ERBB4: variants seen among roughly 807,000 people sequenced by gnomAD.
The protein encoded by ERBB4 is erb-b2 receptor tyrosine kinase 4, also known as receptor tyrosine-protein kinase erbB-4.
A neutral mutation model predicts 158.0 loss-of-function variants in ERBB4; 42 were observed. The ratio of observed to expected loss-of-function variants is 0.27; its 90% CI spans 0.21 to 0.34. The LOEUF is 0.34. ERBB4 is among the 10% of genes least tolerant of loss of function. ERBB4 has a pLI of 1.00. For synonymous variants in ERBB4, 583 were observed against 558.7 expected, an observed-to-expected ratio of 1.04 and a Z score of -0.61; for missense variants, 1,333 against 1,624.1, an observed-to-expected ratio of 0.82 and a Z score of 3.08.
chr2:212,236,751 C>T (rs947999033), intron 1 of ERBB4, among the ~76,000 whole-genome samples: 6 of 152,156 alleles, frequency 3.9e-5, no homozygotes, highest in African/African-American at 4.8e-5. Context: ...AGTTTATTAG[C>T]TTAGAGGTGT....
chr2:212,184,125 G>A (rs1050573568), intron 1 of ERBB4, among the ~76,000 whole-genome samples: 9 of 151,980 alleles, frequency 5.9e-5, no homozygotes, highest in South Asian at 4.2e-4. Flanking sequence ...CATTTTATGC[G>A]TCACAGAGTA....
intron 25 of ERBB4, 139 bp from the exon 26 acceptor site, chr2:211,388,131 A>T (rs933093976): frequency 2.0e-5 from 14 of 711,540 alleles, no homozygotes; most frequent in Middle Eastern, 2.4e-4. Flanking sequence ...GAAGCTTCCT[A>T]AGCAGCACAA....
At chr2:211,772,985 T>TG (rs2075755996) in intron 4 of ERBB4, among the ~76,000 whole-genome samples, 1 of 142,176 alleles carries the variant, frequency 7.0e-6, no homozygotes, top group South Asian at 2.3e-4. Context: ...GGTCCTACTC[T>TG]GTTGCCCAGG....
chr2:211,412,480 CT>C (rs1280382070), intron 25 of ERBB4, among the ~76,000 whole-genome samples: 2 of 152,026 alleles, frequency 1.3e-5, no homozygotes, highest in Non-Finnish European at 2.9e-5. Flanking sequence ...ATTTAGCTTC[CT>C]TTGTCTTTTT....
chr2:212,483,300 A>G (rs1575004573), intron 1 of ERBB4, among the ~76,000 whole-genome samples: 1 of 152,248 alleles, frequency 6.6e-6, no homozygotes, highest in Non-Finnish European at 1.5e-5. Flanking sequence ...TTCAGGATTC[A>G]TAAGTATTGT....
Position 211,847,037 on chromosome 2 carries a change from A to C in ERBB4, c.422-58878T>G, listed in dbSNP as rs13403518. ...TAAGTGAAGCAGTGGAGGAAGTTCAAGGATTTCCTCTGACAAATGCCATCC... is the reference window on the plus strand; with the variant it reads ...TAAGTGAAGCAGTGGAGGAAGTTCACGGATTTCCTCTGACAAATGCCATCC... On this transcript the variant is annotated intron_variant, in intron 3 of 27. Transcript: ENST00000342788. Among the ~76,000 whole-genome samples, 378 of 152,210 alleles carry C rather than the reference A, an allele frequency of 2.5e-3. 2 individuals are homozygous for C. The highest frequency in any genetic ancestry group is 8.8e-3 in the African/African-American group (365 of 41,538).
chr2:212,091,969 G>A (rs1287083312), intron 2 of ERBB4, among the ~76,000 whole-genome samples: 1 of 151,938 alleles, frequency 6.6e-6, no homozygotes, highest in Non-Finnish European at 1.5e-5. Context: ...ATCACTCTCA[G>A]TATTTTCTCT....
intron 1 of ERBB4, among the ~76,000 whole-genome samples, chr2:212,239,364 A>G (rs1420489952): frequency 1.3e-5 from 2 of 152,216 alleles, no homozygotes; most frequent in Non-Finnish European, 2.9e-5. Context: ...CTACACATAC[A>G]AAAAGGAGTA....
chr2:211,672,213 A>C (rs2071870683), intron 14 of ERBB4, among the ~76,000 whole-genome samples: 2 of 152,196 alleles, frequency 1.3e-5, no homozygotes, highest in Non-Finnish European at 2.9e-5. Flanking sequence ...AATACTATTT[A>C]AATTTTCAAT....
At chr2:211,867,932 C>A (rs981654029) in intron 3 of ERBB4, among the ~76,000 whole-genome samples, 4 of 152,176 alleles carry the variant, frequency 2.6e-5, no homozygotes, top group African/African-American at 9.7e-5. Context: ...GAATCACTAG[C>A]ATTCTTTGCT....
rs374148853 is a variant in ERBB4 at position 211,616,227 on chromosome 2, G to A, written c.2301+2950C>T. Among the ~76,000 whole-genome samples the A allele has an allele frequency of 1.1e-4, 16 of 152,158 alleles. No homozygotes were observed. In the East Asian group the frequency reaches 2.3e-3, roughly 22 times the overall value. Reference sequence around the variant, plus strand: ...CTTAACCCTTGAGTGGGGTAATTTTGAGGTGTATGTCCTACACTGGCTGCC... The same window carrying A: ...CTTAACCCTTGAGTGGGGTAATTTTAAGGTGTATGTCCTACACTGGCTGCC... On this transcript the variant is annotated intron_variant, in intron 19 of 27. Coordinates refer to ENST00000342788, the MANE Select transcript of ERBB4 (RefSeq NM_005235.3).
chr2:211,768,918 T>C (rs1273391693), intron 4 of ERBB4, among the ~76,000 whole-genome samples: 1 of 152,262 alleles, frequency 6.6e-6, no homozygotes, highest in Non-Finnish European at 1.5e-5. Flanking sequence ...AATAAGTTTT[T>C]CTTTTCTATT....
chr2:212,399,269 A>G (rs2091121869), intron 1 of ERBB4, among the ~76,000 whole-genome samples: 1 of 151,988 alleles, frequency 6.6e-6, no homozygotes, highest in Admixed American at 6.6e-5. Context: ...AACATTCTAT[A>G]TTAAGATCTA....
chr2:211,876,187 C>T (rs1451587238), intron 3 of ERBB4, among the ~76,000 whole-genome samples: 5 of 152,150 alleles, frequency 3.3e-5, no homozygotes, highest in East Asian at 1.9e-4. Flanking sequence ...AATAGCATCA[C>T]ATTTTGCCAA....
chr2:212,002,984 G>A (rs779100615), intron 2 of ERBB4, among the ~76,000 whole-genome samples: 6 of 150,792 alleles, frequency 4.0e-5, no homozygotes, highest in African/African-American at 7.3e-5. Context: ...GCTTGAACCC[G>A]GGAGGCGGAG....
chr2:211,774,033 G>A (rs1236000859), intron 4 of ERBB4, among the ~76,000 whole-genome samples: 4 of 151,452 alleles, frequency 2.6e-5, no homozygotes, highest in Admixed American at 1.3e-4. Flanking sequence ...GGACTAGTAC[G>A]GTCTTAGATT....
chr2:212,250,771 A>T (rs891606036), intron 1 of ERBB4, among the ~76,000 whole-genome samples: 1 of 151,502 alleles, frequency 6.6e-6, no homozygotes, highest in African/African-American at 2.4e-5. Flanking sequence ...AGTCAAAAAT[A>T]AATAAATAAA....
Position 211,706,605 on chromosome 2 carries a change from A to AAC in ERBB4, c.1125-1215_1125-1214insGT, listed in dbSNP as rs1553614612. On this transcript the variant is annotated intron_variant, in intron 9 of 27. Coordinates refer to ENST00000342788, the MANE Select transcript of ERBB4 (RefSeq NM_005235.3). Reference sequence around the variant, plus strand: ...CCATTCCACATCTTAAAAAAACAAAAAAAAAAAAAACAAAAAAAACTTTGC... The same window carrying AAC: ...CCATTCCACATCTTAAAAAAACAAAAACAAAAAAAAAACAAAAAAAACTTTGC... Among the ~76,000 whole-genome samples, 6 of 141,888 alleles carry AAC rather than the reference A, an allele frequency of 4.2e-5. No homozygotes were observed. In the South Asian group the frequency reaches 1.1e-3, roughly 25 times the overall value. 93.1% of individuals were successfully genotyped at this position (141,888 alleles called of 152,430 possible). A position where few individuals can be genotyped will look rare whatever the true frequency, so the allele number is the denominator to read the frequency against.
At chr2:212,052,682 T>C (rs1337718900) in intron 2 of ERBB4, among the ~76,000 whole-genome samples, 2 of 152,180 alleles carry the variant, frequency 1.3e-5, no homozygotes, top group African/African-American at 4.8e-5. Flanking sequence ...ATTTGTCTCA[T>C]CTGACTTCCT....
Sources: allele counts gnomAD v4.1 joint callset (sites outside exome capture counted in the v4.1 genomes callset), GRCh38; gene constraint gnomAD v4.1.1; transcripts MANE v1.5; gene names NCBI Gene and HGNC (gene_info 2026-07-23, HGNC 2026-07-21).